CEP128: variants seen among roughly 807,000 people sequenced by gnomAD.
CEP128 encodes the protein centrosomal protein 128kDa.
In CEP128, 132 loss-of-function variants were observed where a neutral mutation model predicts 156.7. The observed-to-expected ratio is 0.84, with a 90% CI of 0.73 to 0.97. The LOEUF is 0.97. Among genes scored for constraint, CEP128 ranks in the 50% least tolerant of loss-of-function variants. The pLI, the probability that CEP128 is intolerant of heterozygous loss-of-function variation, is 0.00. For missense variants in CEP128, 1,252 were observed against 1,281.9 expected (o/e 0.98, Z 0.36); for synonymous variants, 469 against 448.9 (o/e 1.04, Z -0.57).
intron 19 of CEP128, among the ~76,000 whole-genome samples, chr14:80,675,453 C>G (rs1311489379): frequency 2.0e-5 from 3 of 152,030 alleles, no homozygotes; most frequent in African/African-American, 7.2e-5. Context: ...ACACTTGATG[C>G]TATAAGATTT....
At chr14:80,730,280 A>AGGG in intron 19 of CEP128, among the ~76,000 whole-genome samples, 1 of 152,204 alleles carries the variant, frequency 6.6e-6, no homozygotes, top group South Asian at 2.1e-4. Context: ...ACTGTCTATT[A>AGGG]ACCTCATAGT....
chr14:80,496,168 T>C (rs1391895730), downstream of CEP128, among the ~76,000 whole-genome samples: 2 of 152,208 alleles, frequency 1.3e-5, no homozygotes, highest in African/African-American at 4.8e-5. Context: ...TACCTGTTTT[T>C]GTATCTCATT....
chr14:80,771,439 A>G (rs955743832), intron 16 of CEP128, among the ~76,000 whole-genome samples: 1 of 152,208 alleles, frequency 6.6e-6, no homozygotes, highest in Non-Finnish European at 1.5e-5. Flanking sequence ...TGCAAATGTG[A>G]ATTATAACTA....
chr14:80,913,265 A>G (rs1167570237), intron 4 of CEP128, among the ~76,000 whole-genome samples: 1 of 152,220 alleles, frequency 6.6e-6, no homozygotes, highest in Non-Finnish European at 1.5e-5. Flanking sequence ...GGTCACTGCT[A>G]TAATGTTTAT....
chr14:80,738,507 A>C (rs1475003222), intron 19 of CEP128, among the ~76,000 whole-genome samples: 1 of 152,102 alleles, frequency 6.6e-6, no homozygotes, highest in Non-Finnish European at 1.5e-5. Flanking sequence ...GATAGAAAAA[A>C]TCTAAGTCAT....
At chr14:80,900,792 A>G (rs1328007441) in intron 6 of CEP128, among the ~76,000 whole-genome samples, 1 of 152,208 alleles carries the variant, frequency 6.6e-6, no homozygotes, top group Non-Finnish European at 1.5e-5. Context: ...TATCCCATAA[A>G]TAAGATGTAG....
At chr14:80,848,957 G>A (rs1886750304) in intron 9 of CEP128, among the ~76,000 whole-genome samples, 1 of 151,920 alleles carries the variant, frequency 6.6e-6, no homozygotes, top group Non-Finnish European at 1.5e-5. Flanking sequence ...GGGTCTTGAA[G>A]AAAGATGTGA....
chr14:80,769,861 A>G (rs1283688770), intron 16 of CEP128, among the ~76,000 whole-genome samples: 2 of 152,220 alleles, frequency 1.3e-5, no homozygotes, highest in African/African-American at 4.8e-5. Flanking sequence ...AAACCCAGAC[A>G]TTCACTTTAT....
At chr14:80,948,621 A>G (rs919772668) in intron 2 of CEP128, among the ~76,000 whole-genome samples, 2 of 152,222 alleles carry the variant, frequency 1.3e-5, no homozygotes, top group Non-Finnish European at 2.9e-5. Flanking sequence ...ACCACTTTCT[A>G]ATATTTGAAC....
chr14:80,792,724 A>T, intron 14 of CEP128, 36 bp downstream of exon 14: 1 of 1,543,398 alleles, frequency 6.5e-7, no homozygotes, highest in Non-Finnish European at 8.9e-7. Context: ...GTTGAATCAC[A>T]TTGAAAACCG....
chr14:80,674,113 C>A (rs181136273), intron 19 of CEP128, among the ~76,000 whole-genome samples: 1 of 150,758 alleles, frequency 6.6e-6, no homozygotes, highest in African/African-American at 2.4e-5. Context: ...ATTTTTGGTA[C>A]AGAAAACTGG....
intron 19 of CEP128, among the ~76,000 whole-genome samples, chr14:80,688,274 A>T (rs1020918404): frequency 3.9e-5 from 6 of 152,118 alleles, no homozygotes; most frequent in Non-Finnish European, 8.8e-5. Context: ...GGTCTCAAAA[A>T]TTTCTTCCAA....
intron 21 of CEP128, among the ~76,000 whole-genome samples, chr14:80,539,057 A>G (rs1889619064): frequency 6.6e-6 from 1 of 152,226 alleles, no homozygotes; most frequent in Non-Finnish European, 1.5e-5. Flanking sequence ...AATGAATACT[A>G]TTTGATGAAG....
intron 2 of CEP128, among the ~76,000 whole-genome samples, chr14:80,923,051 T>C (rs955201988): frequency 1.3e-5 from 2 of 152,250 alleles, no homozygotes; most frequent in African/African-American, 4.8e-5. Context: ...AAGACTAAGA[T>C]GGGTGACCTT....
chr14:80,797,072 G>A (rs10129568), intron 13 of CEP128, among the ~76,000 whole-genome samples: 296 of 152,288 alleles, frequency 1.9e-3, no homozygotes, highest in African/African-American at 6.8e-3. Flanking sequence ...GTTCTAGTTA[G>A]ATAATCTCAA....
intron 19 of CEP128, among the ~76,000 whole-genome samples, chr14:80,724,271 A>G (rs970980783): frequency 1.3e-5 from 2 of 152,222 alleles, no homozygotes; most frequent in South Asian, 2.1e-4. Context: ...TCATTCATCC[A>G]TCTGTTTATC....
intron 19 of CEP128, among the ~76,000 whole-genome samples, chr14:80,659,420 A>G (rs61435414): frequency 0.04 from 6,028 of 152,248 alleles, 416 homozygotes; most frequent in African/African-American, 0.14. Flanking sequence ...AGCTTGGCAC[A>G]TAACAAGGGC....
At chr14:80,482,998 A>G (rs904147098) in intron 14 of CEP128, among the ~76,000 whole-genome samples, 1 of 152,224 alleles carries the variant, frequency 6.6e-6, no homozygotes, top group Non-Finnish European at 1.5e-5. Flanking sequence ...CATTAGCCAA[A>G]TATTGGCAGG....
At chr14:80,536,998 TAA>T (rs1445861798) in intron 21 of CEP128, among the ~76,000 whole-genome samples, 10 of 152,232 alleles carry the variant, frequency 6.6e-5, no homozygotes, top group African/African-American at 2.4e-4. Flanking sequence ...GGCTAACATC[TAA>T]AAGAGTTTTT....
Sources: gnomAD v4.1 joint callset for allele counts (sites outside exome capture counted in the v4.1 genomes callset) on GRCh38, gnomAD v4.1.1 for gene constraint, MANE v1.5 for transcripts, NCBI Gene and HGNC (gene_info 2026-07-23, HGNC 2026-07-21) for gene names.